MTHFD1: variants seen among roughly 807,000 people sequenced by gnomAD.
MTHFD1 encodes the protein C-1-tetrahydrofolate synthase, cytoplasmic.
A neutral mutation model predicts 110.3 loss-of-function variants in MTHFD1; 44 were observed. The ratio of observed to expected loss-of-function variants is 0.40; its 90% CI spans 0.31 to 0.51. MTHFD1 has a LOEUF of 0.51. Ranked by LOEUF, MTHFD1 falls within the 20% of genes least tolerant of loss-of-function variation. The pLI is 0.60. For missense variants in MTHFD1, 909 were observed against 1,173.1 expected, an observed-to-expected ratio of 0.77 and a Z score of 3.29; for synonymous variants, 402 against 428.8, an observed-to-expected ratio of 0.94 and a Z score of 0.77.
chr14:64,397,153 A>AC, intron 1 of MTHFD1, among the ~76,000 whole-genome samples: 418 of 6,002 alleles, frequency 0.07, 56 homozygotes, highest in African/African-American at 0.25. Flanking sequence ...ATATATATAT[A>AC]TATATATATA....
intron 1 of MTHFD1, chr14:64,390,517 C>T (rs915358568): frequency 6.6e-6 from 1 of 152,084 alleles, no homozygotes; most frequent in Admixed American, 6.6e-5. Flanking sequence ...TGGAGTTTCA[C>T]TCGTCGCCCA....
chr14:64,418,975 A>AGTGATTCTCCTGCCTCAG (rs2078048541), intron 7 of MTHFD1, among the ~76,000 whole-genome samples: 1 of 140,304 alleles, frequency 7.1e-6, no homozygotes, highest in Admixed American at 7.0e-5. Flanking sequence ...TCCTGCATCA[A>AGTGATTCTCCTGCCTCAG]CCTTCTGAGT....
intron 2 of MTHFD1, among the ~76,000 whole-genome samples, chr14:64,404,105 T>C (rs2077920351): frequency 6.6e-6 from 1 of 152,242 alleles, no homozygotes. Context: ...CTGGCCCTCA[T>C]AAATCTTTGA....
chr14:64,418,836 A>G (rs1317381984), intron 7 of MTHFD1, among the ~76,000 whole-genome samples: 1 of 152,224 alleles, frequency 6.6e-6, no homozygotes. Flanking sequence ...GATTACAGGC[A>G]TGAGCCACCA....
chr14:64,454,863 C>T lies in MTHFD1; in HGVS notation c.2706C>T (p.Pro902=), dbSNP rs1483692853. ...GCGTTGGGGCTGGTTTTCTGTACCC[C>T]TTAGTAGGAACGGTAAGTGCATGCT... ...RASVGAGFLY[P]LVGTMSTMPG... The change falls in exon 26 of 28, where the codon CCC becomes CCT. Residue 902 remains proline (P), a synonymous_variant. Coordinates refer to ENST00000652337, the MANE Select transcript of MTHFD1 (RefSeq NM_005956.4). 4 of 1,614,174 alleles carry T rather than the reference C, an allele frequency of 2.5e-6. No individual in the cohort carries two copies. Among genetic ancestry groups the T allele is most frequent in the Non-Finnish European group, 3.4e-6 (4 of 1,180,012 alleles).
In MTHFD1 at chr14:64,415,490, G is replaced by T; in HGVS notation, c.373G>T (p.Asp125Tyr). The change falls in exon 5 of 28, where the codon GAT becomes TAT. Residue 125 changes from aspartate (D) to tyrosine (Y), a missense_variant. Around this residue, in one of 3 missense-constraint regions of MTHFD1, gnomAD observed 424 missense variants for 510.4 expected, o/e 0.83. Transcript: ENST00000652337. ...TGCTATTGCACCCGAGAAGGATGTG[G>T]ATGGGTAAGTGTGGCTTGGCTTCCT... ...INAIAPEKDVDGLTSINAGKL... is the reference protein window; with the variant it reads ...INAIAPEKDVYGLTSINAGKL... The T allele has an allele frequency of 6.2e-7, 1 of 1,614,162 alleles. No homozygotes were observed. The highest frequency in any genetic ancestry group is 8.5e-7 in the Non-Finnish European group (1 of 1,180,014).
chr14:64,421,946 C>T (rs914618854), intron 8 of MTHFD1, among the ~76,000 whole-genome samples: 15 of 152,184 alleles, frequency 9.9e-5, no homozygotes, highest in African/African-American at 3.4e-4. Context: ...TTTAAAACCT[C>T]GCATCTTCTG....
chr14:64,454,866 A>G lies in MTHFD1; in HGVS notation c.2709A>G (p.Leu903=). ...ASVGAGFLYP[L]VGTMSTMPGL... is the part of the protein sequence containing the mutation. ...TTGGGGCTGGTTTTCTGTACCCCTTAGTAGGAACGGTAAGTGCATGCTGCA... is the reference window on the plus strand; with the variant it reads ...TTGGGGCTGGTTTTCTGTACCCCTTGGTAGGAACGGTAAGTGCATGCTGCA... The change falls in exon 26 of 28, where the codon TTA becomes TTG. Residue 903 remains leucine (L), a synonymous_variant. Coordinates refer to ENST00000652337, the MANE Select transcript of MTHFD1 (RefSeq NM_005956.4). 2 of 1,614,168 alleles carry G rather than the reference A, an allele frequency of 1.2e-6. No individual in the cohort carries two copies. Among genetic ancestry groups the G allele is most frequent in the Non-Finnish European group, 8.5e-7 (1 of 1,180,022 alleles).
chr14:64,415,851 G>A lies in MTHFD1; in HGVS notation c.478+112G>A. The A allele has an allele frequency of 2.0e-5, 21 of 1,050,012 alleles. No homozygotes were observed. The South Asian group carries it at 2.7e-4, about 13-fold the overall frequency. The allele number at this position is 1,050,012 out of a possible 1,614,324, so 65.0% of individuals were successfully genotyped here. ...GGCCATAAATAAATGGACTTGATTG[G>A]CAGAAGGGCCTGTCTACTAAGGATG... On this transcript the variant is annotated intron_variant, in intron 6 of 27. Transcript: ENST00000652337.
chr14:64,458,560 C>T, intron 27 of MTHFD1: 1 of 512,634 alleles, frequency 2.0e-6, no homozygotes, highest in East Asian at 3.7e-5. Context: ...GGGGAGAAAA[C>T]TGCTGTCCAA....
At chr14:64,406,047 A>G (rs8018342) in intron 2 of MTHFD1, among the ~76,000 whole-genome samples, 1 of 147,742 alleles carries the variant, frequency 6.8e-6, no homozygotes, top group African/African-American at 2.5e-5. Context: ...TATTATTATT[A>G]TTTTTTTTGA....
At chr14:64,444,581 C>G in intron 21 of MTHFD1, 112 bp from the exon 22 acceptor site, 3 of 1,171,048 alleles carry the variant, frequency 2.6e-6, no homozygotes, top group Non-Finnish European at 1.3e-6. Flanking sequence ...TCTTATACTA[C>G]TGTACAGCCT....
intron 16 of MTHFD1, among the ~76,000 whole-genome samples, chr14:64,438,035 G>A (rs1311346222): frequency 5.3e-5 from 8 of 152,056 alleles, no homozygotes; most frequent in African/African-American, 9.7e-5. Context: ...CACCACACCC[G>A]GCTAATTTTG....
rs1447441507 is a variant in MTHFD1, at chr14:64,429,585, G to A, written c.1265-599G>A. ...TGCTGACACGATGCTCAAAGGACAT[G>A]CTCATTGGATCATTTCAGATTTTAA... On this transcript the variant is annotated intron_variant, in intron 12 of 27. Coordinates refer to ENST00000652337, the MANE Select transcript of MTHFD1 (RefSeq NM_005956.4). 3.3e-5 allele frequency among the ~76,000 whole-genome samples: 5 copies of A among 152,132 alleles called. No individual in the cohort carries two copies. The East Asian group carries it at 9.6e-4, about 29-fold the overall frequency.
chr14:64,425,034 G>GA, intron 9 of MTHFD1, 103 bp downstream of exon 9: 1 of 1,413,320 alleles, frequency 7.1e-7, no homozygotes, highest in East Asian at 2.4e-5. Flanking sequence ...CAGAAGTAAA[G>GA]ATGTGAATTT....
Position 64,444,683 on chromosome 14 carries a change from T to C in MTHFD1, c.2137-10T>C. The C allele has an allele frequency of 6.2e-7, 1 of 1,614,136 alleles. No homozygotes were observed. The highest frequency in any genetic ancestry group is 8.5e-7 in the Non-Finnish European group (1 of 1,179,984). On this transcript the variant is annotated splice_polypyrimidine_tract_variant and intron_variant, in intron 21 of 27. Coordinates refer to ENST00000652337, the MANE Select transcript of MTHFD1 (RefSeq NM_005956.4). Reference sequence around the variant, plus strand: ...GGAAATGCCTCTGACTCTGTTTCTTTTCCTTCCAGGTCACTGCTGGACTGC... The same window carrying C: ...GGAAATGCCTCTGACTCTGTTTCTTCTCCTTCCAGGTCACTGCTGGACTGC...
At chr14:64,447,663 G>A (rs910390695) in intron 22 of MTHFD1, among the ~76,000 whole-genome samples, 3 of 151,878 alleles carry the variant, frequency 2.0e-5, no homozygotes, top group Non-Finnish European at 4.4e-5. Flanking sequence ...CTCGTTCACG[G>A]TCGAGTTCAT....
At position 64,415,628 on chromosome 14, in the gene MTHFD1, AC is replaced by A; in HGVS notation, c.378-10del. 1 of 1,613,010 alleles carries A rather than the reference AC, an allele frequency of 6.2e-7. No homozygotes were observed. The highest frequency in any genetic ancestry group is 8.5e-7 in the Non-Finnish European group (1 of 1,179,018). On this transcript the variant is annotated splice_polypyrimidine_tract_variant and intron_variant, in intron 5 of 27. Coordinates refer to ENST00000652337, the MANE Select transcript of MTHFD1 (RefSeq NM_005956.4). Reference sequence around the variant, plus strand: ...CCTTTATTTCCTTCTTATTTCCATCACTTTTTTAAGATTGACTAGCATCAAT... The same window carrying A: ...CCTTTATTTCCTTCTTATTTCCATCATTTTTTAAGATTGACTAGCATCAAT...
Position 64,415,228 on chromosome 14 carries a change from T to C in MTHFD1, c.241-130T>C, listed in dbSNP as rs1173145890. 4.0e-6 allele frequency: 3 copies of C among 749,312 alleles called. No individual in the cohort carries two copies. In the East Asian group the frequency reaches 7.7e-5, roughly 19 times the overall value. The allele number at this position is 749,312 out of a possible 1,614,324, so 46.4% of individuals were successfully genotyped here. A position where few individuals can be genotyped will look rare whatever the true frequency, so the allele number is the denominator to read the frequency against. Reference sequence around the variant, plus strand: ...GTGCTCTCAGGATTCAAGGGGAAGGTACATTCTGAAAGGACTATAATTAAA... The same window carrying C: ...GTGCTCTCAGGATTCAAGGGGAAGGCACATTCTGAAAGGACTATAATTAAA... On this transcript the variant is annotated intron_variant, in intron 4 of 27. Transcript: ENST00000652337.
Sources: gnomAD v4.1 joint callset for allele counts (sites outside exome capture counted in the v4.1 genomes callset) on GRCh38, gnomAD v4.1.1 for gene constraint, gnomAD v4.1.1 regional missense constraint, MANE v1.5 for transcripts, NCBI Gene and HGNC (gene_info 2026-07-23, HGNC 2026-07-21) for gene names.